The following SEM1 variants were observed in gnomAD, a reference collection of about 807,000 sequenced individuals.
SEM1 encodes the protein SEM1 26S proteasome subunit, also known as 26S proteasome complex subunit SEM1.
SEM1 carries 3 observed loss-of-function variants against 12.7 expected under a neutral mutation model. The ratio of observed to expected loss-of-function variants is 0.24; its 90% CI spans 0.11 to 0.61. The LOEUF (loss-of-function observed/expected upper bound fraction) is 0.61, where lower values mean the gene tolerates loss of function less well. Ranked by LOEUF, SEM1 falls within the 20% of genes least tolerant of loss-of-function variation. SEM1 has a pLI of 0.88. For synonymous variants in SEM1, 30 were observed against 27.8 expected (o/e 1.08, Z -0.25); for missense variants, 59 against 81.3 (o/e 0.73, Z 1.06).
chr7:96,690,943 T>C (rs1041554582), intron 2 of SEM1, among the ~76,000 whole-genome samples: 2 of 152,114 alleles, frequency 1.3e-5, no homozygotes, highest in Admixed American at 6.5e-5. Context: ...GCTAATTTTT[T>C]TGTATTTTTA....
chr7:96,508,406 G>A (rs1489069073), intron 2 of SEM1, among the ~76,000 whole-genome samples: 5 of 152,028 alleles, frequency 3.3e-5, no homozygotes, highest in African/African-American at 1.2e-4. Flanking sequence ...CTGGTGGCAG[G>A]GCAGGGCAGG....
chr7:96,639,590 A>G (rs1339506743), intron 2 of SEM1, among the ~76,000 whole-genome samples: 1 of 151,964 alleles, frequency 6.6e-6, no homozygotes, highest in African/African-American at 2.4e-5. Flanking sequence ...AATGGATCAC[A>G]GGCCTAAAGG....
chr7:96,487,763 G>C (rs1223079846), intron 1 of SEM1, among the ~76,000 whole-genome samples: 2 of 150,194 alleles, frequency 1.3e-5, no homozygotes, highest in African/African-American at 5.1e-5. Flanking sequence ...TCAATCTCCA[G>C]TGTACCAAAA....
chr7:96,566,182 C>T (rs750000511), intron 2 of SEM1, among the ~76,000 whole-genome samples: 38 of 151,410 alleles, frequency 2.5e-4, no homozygotes, highest in Non-Finnish European at 4.7e-4. Context: ...TATAATATGC[C>T]GTAAAAAGTA....
At chr7:96,528,694 C>G (rs564252795) in intron 2 of SEM1, among the ~76,000 whole-genome samples, 1 of 152,082 alleles carries the variant, frequency 6.6e-6, no homozygotes, top group Non-Finnish European at 1.5e-5. Context: ...ATTCATATCA[C>G]CTGGGAGCTT....
chr7:96,524,101 T>C (rs1215540870), intron 2 of SEM1, among the ~76,000 whole-genome samples: 1 of 152,156 alleles, frequency 6.6e-6, no homozygotes, highest in Non-Finnish European at 1.5e-5. Context: ...GCTGCCATGC[T>C]CTGTCTCTGT....
chr7:96,546,854 T>C (rs900053865), intron 2 of SEM1, among the ~76,000 whole-genome samples: 4 of 152,148 alleles, frequency 2.6e-5, no homozygotes, highest in Non-Finnish European at 4.4e-5. Flanking sequence ...ATTTTCTCAG[T>C]GGTCATTATT....
At chr7:96,511,036 G>A (rs1454120196) in intron 2 of SEM1, among the ~76,000 whole-genome samples, 1 of 152,096 alleles carries the variant, frequency 6.6e-6, no homozygotes, top group African/African-American at 2.4e-5. Context: ...GTTTGATGTA[G>A]GCTGAGGAAG....
intron 2 of SEM1, among the ~76,000 whole-genome samples, chr7:96,633,710 G>A (rs929626178): frequency 3.3e-5 from 5 of 152,022 alleles, no homozygotes; most frequent in African/African-American, 9.7e-5. Flanking sequence ...AGGGAGACTA[G>A]AGGCATTTAT....
chr7:96,598,709 G>A (rs975066063), intron 2 of SEM1, among the ~76,000 whole-genome samples: 2 of 152,140 alleles, frequency 1.3e-5, no homozygotes, highest in African/African-American at 4.8e-5. Flanking sequence ...TCTGAAGAGT[G>A]TAGAACTACC....
At chr7:96,609,779 C>T (rs191239438) in intron 2 of SEM1, among the ~76,000 whole-genome samples, 159 of 152,190 alleles carry the variant, frequency 1.0e-3, no homozygotes, top group African/African-American at 3.7e-3. Context: ...GGGATAGAGA[C>T]AAAAGGAAGC....
intron 2 of SEM1, among the ~76,000 whole-genome samples, chr7:96,533,091 T>C (rs1219703476): frequency 6.6e-6 from 1 of 152,092 alleles, no homozygotes; most frequent in Non-Finnish European, 1.5e-5. Context: ...CACCCAGCAA[T>C]ATGACTGTAA....
intron 2 of SEM1, among the ~76,000 whole-genome samples, chr7:96,539,999 A>G (rs1329357618): frequency 6.6e-6 from 1 of 150,420 alleles, no homozygotes; most frequent in African/African-American, 2.4e-5. Context: ...TATAAATATA[A>G]TAAGAATTAT....
rs934550863 is a variant in SEM1 at position 96,614,619 on chromosome 7, G to A, written c.170+80179C>T. ...CAGCCTTCGTTTCTTGAACAGAGAA[G>A]CACGCCTTAGCTCCTGGTGTAACAT... On this transcript the variant is annotated intron_variant and NMD_transcript_variant, in intron 2 of 3. Coordinates refer to the SEM1 transcript ENST00000466986. Among the ~76,000 whole-genome samples the A allele has an allele frequency of 7.2e-5, 11 of 152,296 alleles. 1 individual carries two copies. Among genetic ancestry groups the A allele is most frequent in the Admixed American group, 6.5e-4 (10 of 15,302 alleles).
At chr7:96,553,044 T>G (rs1169950903) in intron 2 of SEM1, among the ~76,000 whole-genome samples, 1 of 152,050 alleles carries the variant, frequency 6.6e-6, no homozygotes, top group African/African-American at 2.4e-5. Flanking sequence ...ATGGGGTTGT[T>G]TGTTTTTTTC....
intron 2 of SEM1, among the ~76,000 whole-genome samples, chr7:96,667,726 C>T (rs975749329): frequency 4.6e-5 from 7 of 152,230 alleles, no homozygotes; most frequent in Non-Finnish European, 8.8e-5. Flanking sequence ...AAGAGAACCA[C>T]ATTGCTAAAT....
chr7:96,514,852 C>T (rs548130784), intron 2 of SEM1, among the ~76,000 whole-genome samples: 2 of 148,218 alleles, frequency 1.3e-5, no homozygotes, highest in African/African-American at 2.5e-5. Flanking sequence ...CTGATATATA[C>T]CTTCAATATA....
intron 2 of SEM1, among the ~76,000 whole-genome samples, chr7:96,616,166 C>A (rs1807714431): frequency 6.6e-6 from 1 of 152,060 alleles, no homozygotes; most frequent in Admixed American, 6.6e-5. Context: ...ACCAAGAGTA[C>A]ATAAGCATTC....
intron 2 of SEM1, among the ~76,000 whole-genome samples, chr7:96,570,788 C>T (rs1805997868): frequency 6.6e-6 from 1 of 152,202 alleles, no homozygotes; most frequent in Non-Finnish European, 1.5e-5. Context: ...CTGTCTTCCA[C>T]AATGGTTGAA....
Sources: gnomAD v4.1 joint callset for allele counts (sites outside exome capture counted in the v4.1 genomes callset) on GRCh38, gnomAD v4.1.1 for gene constraint, MANE v1.5 for transcripts, NCBI Gene and HGNC (gene_info 2026-07-23, HGNC 2026-07-21) for gene names.